Variants in XPR1 observed in about 807,000 individuals in gnomAD.
XPR1 encodes the protein xenotropic and polytropic retrovirus receptor 1, also known as solute carrier family 53 member 1.
Under a neutral mutation model 87.5 loss-of-function variants are expected in XPR1, and 28 were observed. The observed-to-expected ratio is 0.32, with a 90% CI of 0.24 to 0.44. XPR1 has a LOEUF of 0.44. Among genes scored for constraint, XPR1 ranks in the 20% least tolerant of loss-of-function variants. The pLI is 1.00. For missense variants in XPR1, 559 were observed against 862.3 expected (o/e 0.65, Z 4.41); for synonymous variants, 300 against 306.1 (o/e 0.98, Z 0.21).
At chr1:180,802,566 G>A (rs1649827625) in intron 3 of XPR1, among the ~76,000 whole-genome samples, 1 of 152,108 alleles carries the variant, frequency 6.6e-6, no homozygotes, top group Non-Finnish European at 1.5e-5. Flanking sequence ...CCTTCTTAAG[G>A]TTTGTAATTC....
chr1:180,836,763 T>C (rs1320870776), intron 11 of XPR1, 47 bp downstream of exon 11: 1 of 1,593,436 alleles, frequency 6.3e-7, no homozygotes, highest in East Asian at 2.2e-5. Flanking sequence ...CCTGGATTTT[T>C]ACTACCTGAC....
At chr1:180,638,947 C>G (rs73047686) in intron 1 of XPR1, among the ~76,000 whole-genome samples, 4,396 of 152,156 alleles carry the variant, frequency 0.029, 143 homozygotes, top group African/African-American at 0.077. Context: ...ATTTAGTCAC[C>G]TATTTCTTCC....
intron 1 of XPR1, among the ~76,000 whole-genome samples, chr1:180,662,603 ATCT>A (rs1351648967): frequency 1.3e-5 from 2 of 152,042 alleles, no homozygotes; most frequent in African/African-American, 4.8e-5. Flanking sequence ...CCTTAAGGTA[ATCT>A]TCTTTGGTTT....
At chr1:180,694,567 T>C (rs1047082188) in intron 2 of XPR1, among the ~76,000 whole-genome samples, 2 of 152,190 alleles carry the variant, frequency 1.3e-5, no homozygotes, top group Non-Finnish European at 2.9e-5. Flanking sequence ...ATATCCTTCC[T>C]GGGGGAAACA....
chr1:180,633,387 C>T (rs1344955076), intron 1 of XPR1, among the ~76,000 whole-genome samples: 2 of 152,174 alleles, frequency 1.3e-5, no homozygotes, highest in Non-Finnish European at 2.9e-5. Flanking sequence ...TCAATATGAA[C>T]ACACATAACT....
intron 2 of XPR1, among the ~76,000 whole-genome samples, chr1:180,706,195 C>CCT (rs1422363530): frequency 5.3e-5 from 8 of 152,136 alleles, no homozygotes; most frequent in African/African-American, 1.9e-4. Context: ...TTTGGAGTTA[C>CCT]TAGTTTAATG....
intron 2 of XPR1, among the ~76,000 whole-genome samples, chr1:180,765,735 C>A (rs1648261025): frequency 6.6e-6 from 1 of 151,564 alleles, no homozygotes; most frequent in Non-Finnish European, 1.5e-5. Context: ...TTTTTATTTT[C>A]TTTTTTTTCC....
At chr1:180,636,234 G>A (rs912923448) in intron 1 of XPR1, among the ~76,000 whole-genome samples, 2 of 152,206 alleles carry the variant, frequency 1.3e-5, no homozygotes, top group Non-Finnish European at 2.9e-5. Flanking sequence ...TGTTGATTAG[G>A]TAGGTTTAAC....
intron 13 of XPR1, among the ~76,000 whole-genome samples, chr1:180,877,672 TGATAATTAA>T (rs1259430324): frequency 6.6e-6 from 1 of 152,194 alleles, no homozygotes. Context: ...AGTCCCTTTA[TGATAATTAA>T]GCTGTACATT....
Position 180,664,479 on chromosome 1 carries a change from T to C in XPR1, c.70-17881T>C, listed in dbSNP as rs1655893345. Among the ~76,000 whole-genome samples, 3 of 152,168 alleles carry C rather than the reference T, an allele frequency of 2.0e-5. No individual in the cohort carries two copies. In the South Asian group the frequency reaches 6.2e-4, roughly 31 times the overall value. On this transcript the variant is annotated intron_variant, in intron 1 of 14. Coordinates refer to ENST00000367590, the MANE Select transcript of XPR1 (RefSeq NM_004736.4). Reference sequence around the variant, plus strand: ...TGGGGGGCCTCGTGACACTGCCCAGTGTCCTTTCCTACTGTAGCTCAGTTG... The same window carrying C: ...TGGGGGGCCTCGTGACACTGCCCAGCGTCCTTTCCTACTGTAGCTCAGTTG...
chr1:180,828,773 A>G (rs979100621), intron 9 of XPR1, among the ~76,000 whole-genome samples: 17 of 152,228 alleles, frequency 1.1e-4, no homozygotes, highest in African/African-American at 4.1e-4. Flanking sequence ...AGTGATGAAG[A>G]TGAGTTATGA....
At chr1:180,817,785 A>G (rs902965707) in intron 7 of XPR1, among the ~76,000 whole-genome samples, 1 of 152,192 alleles carries the variant, frequency 6.6e-6, no homozygotes, top group Non-Finnish European at 1.5e-5. Flanking sequence ...CCCTTGGGGA[A>G]TGGATAGCAA....
rs565527245 is a variant in XPR1 at position 180,854,069 on chromosome 1, G to A, written c.1502-9639G>A. ...TGCCGTTAAAGGTTGTATCTAAAAG[G>A]CAAGGAAAGTTTAATAGGGGTTTTG... On this transcript the variant is annotated intron_variant, in intron 11 of 14. Coordinates refer to ENST00000367590, the MANE Select transcript of XPR1 (RefSeq NM_004736.4). Among the ~76,000 whole-genome samples the A allele has an allele frequency of 2.6e-5, 4 of 152,280 alleles. No individual in the cohort carries two copies. In the South Asian group the frequency reaches 8.3e-4, roughly 32 times the overall value.
intron 2 of XPR1, among the ~76,000 whole-genome samples, chr1:180,777,134 A>G (rs1558003179): frequency 6.6e-6 from 1 of 152,174 alleles, no homozygotes; most frequent in Non-Finnish European, 1.5e-5. Context: ...GTAGTTGGCA[A>G]CAGAACCATA....
intron 2 of XPR1, among the ~76,000 whole-genome samples, chr1:180,739,959 A>G (rs1658863234): frequency 6.6e-6 from 1 of 152,044 alleles, no homozygotes; most frequent in Non-Finnish European, 1.5e-5. Flanking sequence ...TGATAAGACC[A>G]CCTCAGCCTT....
chr1:180,704,814 GTT>G (rs567903048), intron 2 of XPR1, among the ~76,000 whole-genome samples: 2 of 51,942 alleles, frequency 3.9e-5, no homozygotes, highest in East Asian at 6.4e-4. Flanking sequence ...ACTGTTGGTT[GTT>G]TTTTTTTTTT....
intron 2 of XPR1, among the ~76,000 whole-genome samples, chr1:180,744,654 CT>C (rs71121048): frequency 7.3e-4 from 75 of 102,374 alleles, no homozygotes; most frequent in Admixed American, 1.4e-3. Flanking sequence ...CAATTTCTTT[CT>C]TTTTTTTTTT....
intron 11 of XPR1, among the ~76,000 whole-genome samples, chr1:180,855,225 AGAAT>A (rs1393566963): frequency 3.3e-5 from 5 of 152,240 alleles, no homozygotes; most frequent in Non-Finnish European, 7.3e-5. Context: ...GTGTATATAC[AGAAT>A]GAAAGACAGT....
intron 1 of XPR1, among the ~76,000 whole-genome samples, chr1:180,666,433 T>G (rs1346190816): frequency 1.3e-5 from 2 of 152,222 alleles, no homozygotes; most frequent in Non-Finnish European, 2.9e-5. Context: ...TAGGATGTGT[T>G]TCCATTTATT....
Sources: allele counts gnomAD v4.1 joint callset (sites outside exome capture counted in the v4.1 genomes callset), GRCh38; gene constraint gnomAD v4.1.1; transcripts MANE v1.5; gene names NCBI Gene and HGNC (gene_info 2026-07-23, HGNC 2026-07-21).